Variants in GAS2 observed in about 807,000 individuals in gnomAD.
The protein encoded by GAS2 is growth arrest-specific protein 2.
A neutral mutation model predicts 37.5 loss-of-function variants in GAS2; 20 were observed. The ratio of observed to expected loss-of-function variants is 0.53; its 90% confidence interval spans 0.37 to 0.77. The LOEUF is 0.77. GAS2 is among the 30% of genes least tolerant of loss of function. GAS2 has a pLI of 0.00. For synonymous variants in GAS2, 144 were observed against 132.2 expected (o/e 1.09, Z -0.61); for missense variants, 336 against 373.4 (o/e 0.90, Z 0.82).
chr11:22,772,249 G>A (rs573278224), intron 7 of GAS2, among the ~76,000 whole-genome samples: 6 of 152,228 alleles, frequency 3.9e-5, no homozygotes, highest in African/African-American at 1.4e-4. Context: ...CACCAAAGTC[G>A]ATTGAACCCC....
At chr11:22,687,508 G>A (rs1394413716) in intron 3 of GAS2, among the ~76,000 whole-genome samples, 5 of 152,140 alleles carry the variant, frequency 3.3e-5, no homozygotes, top group Admixed American at 3.3e-4. Context: ...TTGGATGGTT[G>A]AAGACTGTAA....
intron 3 of GAS2, among the ~76,000 whole-genome samples, chr11:22,717,620 A>C (rs550342529): frequency 1.3e-5 from 2 of 152,264 alleles, no homozygotes; most frequent in South Asian, 4.1e-4. Flanking sequence ...AACAAAGATA[A>C]ATAGATGGGA....
intron 2 of GAS2, 135 bp downstream of exon 2, chr11:22,675,149 G>A: frequency 2.3e-6 from 2 of 879,612 alleles, no homozygotes; most frequent in Non-Finnish European, 3.3e-6. Context: ...TTTGCATCTG[G>A]GAAACCTGAA....
chr11:22,802,793 A>G (rs965733549), intron 7 of GAS2, among the ~76,000 whole-genome samples: 3 of 152,174 alleles, frequency 2.0e-5, no homozygotes, highest in Non-Finnish European at 2.9e-5. Context: ...ACAATGTTTC[A>G]GTCAATAAGA....
At chr11:22,733,252 C>G (rs1267538064) in intron 4 of GAS2, among the ~76,000 whole-genome samples, 1 of 151,626 alleles carries the variant, frequency 6.6e-6, no homozygotes, top group Non-Finnish European at 1.5e-5. Flanking sequence ...TTTACTATTT[C>G]TTCTACTATA....
chr11:22,660,857 C>T (rs1402128479), intron 1 of GAS2, among the ~76,000 whole-genome samples: 1 of 152,176 alleles, frequency 6.6e-6, no homozygotes, highest in Non-Finnish European at 1.5e-5. Flanking sequence ...TCACTTTGGG[C>T]TTGGAGTACT....
At chr11:22,748,132 C>G (rs1461837455) in intron 5 of GAS2, among the ~76,000 whole-genome samples, 1 of 151,874 alleles carries the variant, frequency 6.6e-6, no homozygotes, top group African/African-American at 2.4e-5. Flanking sequence ...TTAAAAAAAA[C>G]ATGTTTTTAA....
At chr11:22,677,299 C>T (rs774372646) in intron 2 of GAS2, among the ~76,000 whole-genome samples, 8 of 151,740 alleles carry the variant, frequency 5.3e-5, no homozygotes, top group East Asian at 3.9e-4. Context: ...AGAGCCTTTG[C>T]GAGGAGGGAA....
At chr11:22,701,449 TA>T (rs1438444273) in intron 3 of GAS2, among the ~76,000 whole-genome samples, 1 of 152,136 alleles carries the variant, frequency 6.6e-6, no homozygotes, top group African/African-American at 2.4e-5. Context: ...GAAGATAGAA[TA>T]CTCTCAAGGA....
intron 3 of GAS2, among the ~76,000 whole-genome samples, chr11:22,690,798 T>C (rs926333830): frequency 1.3e-5 from 2 of 152,156 alleles, no homozygotes; most frequent in African/African-American, 4.8e-5. Context: ...GTTACATTTA[T>C]GCGTGAACTT....
chr11:22,685,037 T>C, intron 2 of GAS2, among the ~76,000 whole-genome samples: 1 of 152,134 alleles, frequency 6.6e-6, no homozygotes, highest in South Asian at 2.1e-4. Context: ...CTAGATTACA[T>C]GACTGTAATC....
At chr11:22,642,982 A>G (rs1213787368) in intron 1 of GAS2, among the ~76,000 whole-genome samples, 1 of 152,172 alleles carries the variant, frequency 6.6e-6, no homozygotes, top group Non-Finnish European at 1.5e-5. Flanking sequence ...TGCTCAGTGC[A>G]TAGAGTCTAA....
At position 22,767,685 on chromosome 11, in the gene GAS2, C is replaced by G. The variant is rs1426296347; in HGVS notation, c.723+11732C>G. On this transcript the variant is annotated intron_variant, in intron 7 of 7. Transcript: ENST00000454584. ...TGTCATATAAATTGTCTATAGTTCT[C>G]CCATGGGTTCAAGTTGCATAAATAG... is the stretch of plus-strand genomic sequence containing the variant. Among the ~76,000 whole-genome samples the G allele has an allele frequency of 2.0e-5, 3 of 152,054 alleles. No individual in the cohort carries two copies. In the East Asian group the frequency reaches 5.8e-4, roughly 29 times the overall value.
intron 3 of GAS2, chr11:22,702,296 G>A (rs952179047): frequency 2.0e-5 from 3 of 152,168 alleles, no homozygotes; most frequent in Non-Finnish European, 4.4e-5. Flanking sequence ...CTCTTGAGGT[G>A]GGTGGCAGAA....
At chr11:22,649,230 C>T (rs1045405683) in intron 1 of GAS2, among the ~76,000 whole-genome samples, 27 of 152,098 alleles carry the variant, frequency 1.8e-4, no homozygotes, top group East Asian at 9.6e-4. Flanking sequence ...TATTGATTTG[C>T]GTATATTGAA....
At position 22,627,916 on chromosome 11, in the gene GAS2, C is replaced by T. The variant is rs533920494; in HGVS notation, c.-21+2103C>T. 2.0e-5 allele frequency among the ~76,000 whole-genome samples: 3 copies of T among 151,996 alleles called. No homozygotes were observed. In the East Asian group the frequency reaches 5.8e-4, roughly 29 times the overall value. ...TTTGCAGGTATCTGAGTTGAAAGAACCAGGCCTATTTAAGGAGGTGGAAAA... is the reference window on the plus strand; with the variant it reads ...TTTGCAGGTATCTGAGTTGAAAGAATCAGGCCTATTTAAGGAGGTGGAAAA... On this transcript the variant is annotated intron_variant, in intron 1 of 5. Coordinates refer to the GAS2 transcript ENST00000528582.
At chr11:22,667,804 TC>T (rs1222453187) in intron 1 of GAS2, among the ~76,000 whole-genome samples, 1 of 152,202 alleles carries the variant, frequency 6.6e-6, no homozygotes, top group Non-Finnish European at 1.5e-5. Context: ...TTAATTCTTT[TC>T]CCAGTTAACC....
intron 7 of GAS2, among the ~76,000 whole-genome samples, chr11:22,773,243 A>T (rs1855078889): frequency 6.6e-6 from 1 of 152,082 alleles, no homozygotes; most frequent in Non-Finnish European, 1.5e-5. Context: ...TTTGGTAAGG[A>T]GGCTTGCCAA....
At chr11:22,723,885 A>G (rs1409025015) in intron 3 of GAS2, among the ~76,000 whole-genome samples, 1 of 151,696 alleles carries the variant, frequency 6.6e-6, no homozygotes, top group Non-Finnish European at 1.5e-5. Context: ...CTTGCCTACT[A>G]CTTTGATTTT....
Sources: allele counts gnomAD v4.1 joint callset (sites outside exome capture counted in the v4.1 genomes callset), GRCh38; gene constraint gnomAD v4.1.1; transcripts MANE v1.5; gene names NCBI Gene and HGNC (gene_info 2026-07-23, HGNC 2026-07-21).